KCNT1: variants seen among roughly 807,000 people sequenced by gnomAD.
The protein encoded by KCNT1 is potassium sodium-activated channel subfamily T member 1, also known as potassium channel subfamily T member 1.
Under a neutral mutation model 147.8 loss-of-function variants are expected in KCNT1, and 78 were observed. The observed-to-expected ratio is 0.53, with a 90% CI of 0.44 to 0.64. The LOEUF (loss-of-function observed/expected upper bound fraction) is 0.64, where lower values mean the gene tolerates loss of function less well. Ranked by LOEUF, KCNT1 falls within the 30% of genes least tolerant of loss-of-function variation. The pLI, the probability that KCNT1 is intolerant of heterozygous loss-of-function variation, is 0.00. For missense variants in KCNT1, 1,419 were observed against 1,750.3 expected (o/e 0.81, Z 3.38); for synonymous variants, 867 against 748.8 (o/e 1.16, Z -2.58).
At chr9:135,772,640 C>A in intron 18 of KCNT1, 75 bp from the exon 19 acceptor site, 1 of 1,132,646 alleles carries the variant, frequency 8.8e-7, no homozygotes, top group Non-Finnish European at 1.2e-6. Flanking sequence ...TGACTGTGTT[C>A]ACCTGAGCTC....
chr9:135,779,608 CGTGGGGG>C lies in KCNT1; in HGVS notation c.2841+140_2841+146del, dbSNP rs1324745565. ...TCCTGCTGGGGAACTCAGGAGATGG[CGTGGGGG>C]GCCCAGCATGGACAGGGTGCTCTTG... On this transcript the variant is annotated intron_variant, in intron 24 of 30. Transcript: ENST00000371757. The C allele has an allele frequency of 3.5e-5, 23 of 664,668 alleles. No homozygotes were observed. In the East Asian group the frequency reaches 6.0e-4, roughly 17 times the overall value. The allele number at this position is 664,668 out of a possible 1,614,324, so 41.2% of individuals were successfully genotyped here. A position where few individuals can be genotyped will look rare whatever the true frequency, so the allele number is the denominator to read the frequency against.
chr9:135,768,261 T>A (rs1343599117), intron 13 of KCNT1, among the ~76,000 whole-genome samples: 5 of 7,034 alleles, frequency 7.1e-4, no homozygotes, highest in Non-Finnish European at 8.5e-4. Context: ...GGGGGGGCAC[T>A]GGGATACCGG....
Position 135,777,556 on chromosome 9 carries a change from G to T in KCNT1, c.2522+46G>T, listed in dbSNP as rs1407844186. The T allele has an allele frequency of 4.8e-6, 7 of 1,457,136 alleles. No homozygotes were observed. In the East Asian group the frequency reaches 2.0e-4, roughly 42 times the overall value. 90.3% of individuals were successfully genotyped at this position (1,457,136 alleles called of 1,614,324 possible). On this transcript the variant is annotated intron_variant, in intron 21 of 30. Coordinates refer to ENST00000371757, the MANE Select transcript of KCNT1 (RefSeq NM_020822.3). ...CCCACCCCGCCCACCCGGGCCCTCA[G>T]ACCTGCAGCCAGCAGCCTCCCCAAC...
intron 13 of KCNT1, 92 bp downstream of exon 13, chr9:135,765,852 G>A: frequency 2.5e-6 from 3 of 1,218,432 alleles, no homozygotes; most frequent in Non-Finnish European, 2.3e-6. Flanking sequence ...TCGCTCTCCT[G>A]GCCAATGAGA....
At chr9:135,750,230 C>G in intron 3 of KCNT1, 53 bp downstream of exon 3, 1 of 1,411,806 alleles carries the variant, frequency 7.1e-7, no homozygotes, top group Non-Finnish European at 9.9e-7. Flanking sequence ...TTGAGGGCGC[C>G]GGGAGCAAGC....
At position 135,714,694 on chromosome 9, in the gene KCNT1, C is replaced by T; in HGVS notation, c.228C>T (p.Gly76=). 1 of 1,463,096 alleles carries T rather than the reference C, an allele frequency of 6.8e-7. No homozygotes were observed. 90.6% of individuals were successfully genotyped at this position (1,463,096 alleles called of 1,614,324 possible). A position where few individuals can be genotyped will look rare whatever the true frequency, so the allele number is the denominator to read the frequency against. ...PRYRFRDLLL[G]DPSFQNDDRV... ...ACCGCTTCCGGGACCTGCTGCTGGG[C>T]GACCCGTCCTTCCAGAACGACGACA... Residue 76 remains glycine (G), a synonymous_variant, in exon 2 of 31, where the codon GGC becomes GGT. Coordinates refer to ENST00000371757, the MANE Select transcript of KCNT1 (RefSeq NM_020822.3). This position sits in a 1 kb window ranked among gnomAD's most constrained non-coding sequence, Gnocchi z 6.2.
chr9:135,791,937 G>A (rs1834567937), intron 30 of KCNT1, 56 bp downstream of exon 30: 3 of 1,610,950 alleles, frequency 1.9e-6, no homozygotes, highest in Admixed American at 1.7e-5. Flanking sequence ...GGTGGGCACT[G>A]GGGAGATGAG....
chr9:135,718,127 A>G (rs1042864032), intron 2 of KCNT1, among the ~76,000 whole-genome samples: 1 of 152,128 alleles, frequency 6.6e-6, no homozygotes, highest in Admixed American at 6.5e-5. Flanking sequence ...TGATGCCTCT[A>G]TCTGCCATTA....
intron 6 of KCNT1, among the ~76,000 whole-genome samples, chr9:135,756,019 C>T (rs1430740234): frequency 2.0e-5 from 3 of 150,576 alleles, no homozygotes; most frequent in African/African-American, 7.3e-5. Context: ...ATGCTGAGGA[C>T]AAACCCAGGA....
intron 29 of KCNT1, chr9:135,789,121 C>T (rs530548568): frequency 6.6e-6 from 1 of 152,390 alleles, no homozygotes; most frequent in East Asian, 1.9e-4. Context: ...GTGCTCGGAC[C>T]TGCAGCTAGC....
intron 3 of KCNT1, 126 bp downstream of exon 3, chr9:135,750,303 A>C: frequency 2.8e-6 from 1 of 358,068 alleles, no homozygotes; most frequent in Admixed American, 3.1e-5. Flanking sequence ...GAGCCACCTG[A>C]GTGCTGCGGG....
chr9:135,781,985 G>A (rs375289890), intron 24 of KCNT1, among the ~76,000 whole-genome samples: 10 of 152,286 alleles, frequency 6.6e-5, no homozygotes, highest in African/African-American at 1.2e-4. Context: ...AGGCTAAGGC[G>A]GACGGATCAC....
At chr9:135,713,546 T>C (rs1460229940) in intron 1 of KCNT1, among the ~76,000 whole-genome samples, 1 of 152,180 alleles carries the variant, frequency 6.6e-6, no homozygotes, top group Non-Finnish European at 1.5e-5. Context: ...TCCCTGGACC[T>C]GGTGTTCCAA....
chr9:135,784,865 G>A lies in KCNT1; in HGVS notation c.3132G>A (p.Glu1044=), dbSNP rs771326200. ...TCCCCATTGGCATCTACCGGACAGA[G>A]AGCCACGTCTTCTCCACCTCGGAGG... ...AEIPIGIYRT[E]SHVFSTSEPH... is the part of the protein sequence containing the mutation. The change falls in exon 27 of 31, where the codon GAG becomes GAA. Residue 1044 remains glutamate (E), a synonymous_variant. Coordinates refer to ENST00000371757, the MANE Select transcript of KCNT1 (RefSeq NM_020822.3). The A allele has an allele frequency of 1.2e-6, 2 of 1,612,686 alleles. No homozygotes were observed. The highest frequency in any genetic ancestry group is 1.7e-5 in the Admixed American group (1 of 60,026).
Position 135,786,338 on chromosome 9 carries a change from C to T in KCNT1, c.3319C>T (p.Arg1107Cys), listed in dbSNP as rs750627411. The stretch of plus-strand genomic sequence containing the variant: ...CCCCGCAGAGCACCCACTGCTACGG[C>T]GCAAGAGCCTGCAGTGGGCCCGGAG... ...GDPAEHPLLR[R>C]KSLQWARRLS... Residue 1107 changes from arginine to cysteine, a missense_variant, in exon 29 of 31, where the codon CGC (arginine) becomes TGC (cysteine). By Grantham distance (180) the Arg-to-Cys change is radical. Transcript: ENST00000371757. 1.4e-5 allele frequency: 22 copies of T among 1,593,014 alleles called. No individual in the cohort carries two copies. Among genetic ancestry groups the T allele is most frequent in the East Asian group, 2.3e-5 (1 of 44,076 alleles).
At position 135,784,903 on chromosome 9, in the gene KCNT1, C is replaced by T. The variant is rs555174141; in HGVS notation, c.3156+14C>T. The stretch of plus-strand genomic sequence containing the variant: ...TCCACCTCGGAGGTTCTGGGGCAGC[C>T]TGGGGGCTGGGACTGTGGCAGCCCC... On this transcript the variant is annotated intron_variant, in intron 27 of 30. Transcript: ENST00000371757. The T allele has an allele frequency of 5.6e-6, 9 of 1,610,774 alleles. No homozygotes were observed. In the South Asian group the frequency reaches 9.9e-5, roughly 18 times the overall value.
chr9:135,788,741 C>A (rs1195862852), intron 29 of KCNT1, among the ~76,000 whole-genome samples: 1 of 152,180 alleles, frequency 6.6e-6, no homozygotes, highest in Non-Finnish European at 1.5e-5. Flanking sequence ...TGGGGCTCCA[C>A]GAGGGGATTC....
rs780134351 is a variant in KCNT1 at position 135,784,627 on chromosome 9, C to T, written c.3027+9C>T. The T allele has an allele frequency of 1.2e-6, 2 of 1,611,798 alleles. No homozygotes were observed. Among genetic ancestry groups the T allele is most frequent in the Non-Finnish European group, 1.7e-6 (2 of 1,179,614 alleles). ...CGGGGTACCTCTGTGCCGTAAGTGC[C>T]CCTGGCTGCGCTGGGCTGGGGGCGT... On this transcript the variant is annotated intron_variant, in intron 26 of 30. Coordinates refer to ENST00000371757, the MANE Select transcript of KCNT1 (RefSeq NM_020822.3).
chr9:135,751,363 C>T (rs10123048), intron 4 of KCNT1, among the ~76,000 whole-genome samples: 47,987 of 151,640 alleles, frequency 0.32, 7,824 homozygotes, highest in South Asian at 0.44. Context: ...TGTCTCTGTG[C>T]TCACTTGAGC....
Sources: allele counts gnomAD v4.1 joint callset (sites outside exome capture counted in the v4.1 genomes callset), GRCh38; gene constraint gnomAD v4.1.1; non-coding constraint Gnocchi (gnomAD v3.1); transcripts MANE v1.5; gene names NCBI Gene and HGNC (gene_info 2026-07-23, HGNC 2026-07-21).